The following ANAPC10 variants were observed in gnomAD, a reference collection of about 807,000 sequenced individuals.
ANAPC10 encodes the protein anaphase-promoting complex subunit 10.
A neutral mutation model predicts 22.0 loss-of-function variants in ANAPC10; 12 were observed. The ratio of observed to expected loss-of-function variants is 0.55; its 90% CI spans 0.35 to 0.88. The LOEUF (loss-of-function observed/expected upper bound fraction) is 0.88. Among genes scored for constraint, ANAPC10 ranks in the 40% least tolerant of loss-of-function variants. ANAPC10 has a pLI of 0.01. For synonymous variants in ANAPC10, 65 were observed against 69.5 expected (o/e 0.94, Z 0.32); for missense variants, 188 against 220.9 (o/e 0.85, Z 0.94).
At chr4:145,025,016 G>A (rs894904086) in intron 4 of ANAPC10, among the ~76,000 whole-genome samples, 1 of 152,174 alleles carries the variant, frequency 6.6e-6, no homozygotes, top group African/African-American at 2.4e-5. Context: ...GCTCTTTTAT[G>A]TTATGAAGAT....
intron 4 of ANAPC10, among the ~76,000 whole-genome samples, chr4:145,012,771 G>C (rs1303158567): frequency 7.9e-5 from 12 of 152,094 alleles, no homozygotes. Flanking sequence ...ACAGAGAATA[G>C]AAAAGGGAGA....
intron 4 of ANAPC10, among the ~76,000 whole-genome samples, chr4:145,044,474 C>T (rs34588686): frequency 6.6e-6 from 1 of 152,106 alleles, no homozygotes; most frequent in Admixed American, 6.5e-5. Context: ...TTCCTTCCCC[C>T]CAACTCCCAC....
chr4:145,018,283 G>A (rs1404134601), intron 4 of ANAPC10, among the ~76,000 whole-genome samples: 1 of 151,982 alleles, frequency 6.6e-6, no homozygotes, highest in African/African-American at 2.4e-5. Context: ...TACTAACATT[G>A]AATGTAAATG....
intron 4 of ANAPC10, among the ~76,000 whole-genome samples, chr4:144,997,591 G>C (rs1731818051): frequency 2.6e-5 from 4 of 152,094 alleles, no homozygotes; most frequent in Admixed American, 6.5e-5. Flanking sequence ...CACTAAATAT[G>C]GAAAGGAACA....
intron 4 of ANAPC10, among the ~76,000 whole-genome samples, chr4:145,019,694 T>C (rs1472800608): frequency 6.6e-6 from 1 of 151,952 alleles, no homozygotes; most frequent in African/African-American, 2.4e-5. Flanking sequence ...ATTAGCAAGA[T>C]TAACCTAGAA....
At chr4:145,071,674 A>T (rs180903828) in intron 3 of ANAPC10, among the ~76,000 whole-genome samples, 1 of 152,218 alleles carries the variant, frequency 6.6e-6, no homozygotes, top group African/African-American at 2.4e-5. Flanking sequence ...CTGAAGGGTT[A>T]TCTTAGTTTC....
intron 3 of ANAPC10, among the ~76,000 whole-genome samples, chr4:145,076,905 AT>A (rs1426159016): frequency 1.3e-5 from 2 of 152,220 alleles, no homozygotes; most frequent in Non-Finnish European, 2.9e-5. Flanking sequence ...CTAGACAAAA[AT>A]AAAAAAGAAT....
chr4:145,072,630 T>G (rs1744648788), intron 3 of ANAPC10, among the ~76,000 whole-genome samples: 1 of 152,270 alleles, frequency 6.6e-6, no homozygotes, highest in East Asian at 1.9e-4. Flanking sequence ...AGTTCTCAAG[T>G]GCTAAAAAAA....
At chr4:145,072,876 G>A (rs189926020) in intron 3 of ANAPC10, among the ~76,000 whole-genome samples, 20 of 151,652 alleles carry the variant, frequency 1.3e-4, no homozygotes, top group Admixed American at 2.0e-4. Flanking sequence ...CTGTGATTAA[G>A]CCTAGTATCT....
At chr4:145,073,252 T>C (rs139184086) in intron 3 of ANAPC10, among the ~76,000 whole-genome samples, 40 of 152,302 alleles carry the variant, frequency 2.6e-4, no homozygotes, top group African/African-American at 8.7e-4. Context: ...CTTTTAAAAA[T>C]AAGGGGAAAA....
chr4:145,045,731 A>G (rs988874961), intron 4 of ANAPC10, among the ~76,000 whole-genome samples: 3 of 152,066 alleles, frequency 2.0e-5, no homozygotes, highest in African/African-American at 7.2e-5. Context: ...ATACTCATCT[A>G]AAATGTCACA....
At chr4:145,032,176 G>A (rs1737684368) in intron 4 of ANAPC10, among the ~76,000 whole-genome samples, 1 of 152,184 alleles carries the variant, frequency 6.6e-6, no homozygotes, top group African/African-American at 2.4e-5. Context: ...TGATATGCAG[G>A]CACCACCTGC....
At chr4:145,005,473 G>C (rs2126880680) in intron 4 of ANAPC10, among the ~76,000 whole-genome samples, 1 of 152,108 alleles carries the variant, frequency 6.6e-6, no homozygotes, top group East Asian at 1.9e-4. Flanking sequence ...GTTCAGCTCT[G>C]ATTTTGGTTA....
At chr4:145,089,994 A>G (rs1747434114) in intron 2 of ANAPC10, among the ~76,000 whole-genome samples, 1 of 152,178 alleles carries the variant, frequency 6.6e-6, no homozygotes, top group Non-Finnish European at 1.5e-5. Context: ...TCAGGCTTCT[A>G]CCTAACTATA....
At chr4:145,097,689 T>A (rs996050224) in intron 1 of ANAPC10, 6 of 438,558 alleles carry the variant, frequency 1.4e-5, no homozygotes, top group African/African-American at 1.2e-4. Flanking sequence ...GTCACTTGCC[T>A]GCAAGTTAGG....
At position 145,065,597 on chromosome 4, in the gene ANAPC10, C is replaced by T. The variant is rs964040948; in HGVS notation, c.207-905G>A. On this transcript the variant is annotated intron_variant, in intron 3 of 4. Transcript: ENST00000507656. ...AAAAATGGATGCAGAAAAATCTTGT[C>T]CTGTGATTAAATCACTAGAAAATTA... Among the ~76,000 whole-genome samples the T allele has an allele frequency of 3.3e-5, 5 of 152,050 alleles. No individual in the cohort carries two copies. The South Asian group carries it at 1.0e-3, about 32-fold the overall frequency.
intron 4 of ANAPC10, among the ~76,000 whole-genome samples, chr4:145,016,110 T>C (rs1032463009): frequency 1.8e-4 from 28 of 152,146 alleles, no homozygotes; most frequent in Non-Finnish European, 4.4e-5. Context: ...GTGTTGGAAG[T>C]TCTGGCCAGG....
chr4:145,065,833 A>G (rs987305094), intron 3 of ANAPC10, among the ~76,000 whole-genome samples: 2 of 152,054 alleles, frequency 1.3e-5, no homozygotes, highest in Admixed American at 6.6e-5. Flanking sequence ...TGTATATAGA[A>G]AAAGACCTAG....
intron 1 of ANAPC10, among the ~76,000 whole-genome samples, 180 bp from the exon 2 acceptor site, chr4:145,096,291 C>T (rs538661203): frequency 2.0e-5 from 3 of 152,268 alleles, no homozygotes; most frequent in Admixed American, 2.0e-4. Flanking sequence ...GGCATGGTGG[C>T]TCACACCTGT....
Sources: gnomAD v4.1 joint callset for allele counts (sites outside exome capture counted in the v4.1 genomes callset) on GRCh38, gnomAD v4.1.1 for gene constraint, MANE v1.5 for transcripts, NCBI Gene and HGNC (gene_info 2026-07-23, HGNC 2026-07-21) for gene names.